The following PHYHIPL variants were observed in gnomAD, a reference collection of about 807,000 sequenced individuals.
PHYHIPL encodes phytanoyl-CoA hydroxylase-interacting protein-like.
In PHYHIPL, 9 loss-of-function variants were observed where a neutral mutation model predicts 33.4. That is an observed-to-expected ratio of 0.27 (90% CI 0.16 to 0.47). PHYHIPL has a LOEUF of 0.47. PHYHIPL is among the 20% of genes least tolerant of loss of function. The pLI is 0.99. For synonymous variants in PHYHIPL, 153 were observed against 154.1 expected (o/e 0.99, Z 0.05); for missense variants, 365 against 460.7 (o/e 0.79, Z 1.90).
intron 1 of PHYHIPL, among the ~76,000 whole-genome samples, chr10:59,187,580 G>T (rs1304725311): frequency 6.6e-6 from 1 of 152,128 alleles, no homozygotes; most frequent in Non-Finnish European, 1.5e-5. Context: ...ATTTGGCTGC[G>T]AATCCATCTG....
chr10:59,208,386 A>C (rs1177495534), intron 1 of PHYHIPL, among the ~76,000 whole-genome samples: 1 of 152,192 alleles, frequency 6.6e-6, no homozygotes, highest in African/African-American at 2.4e-5. Flanking sequence ...CAACTTCAAC[A>C]AAAAGGACGT....
intron 1 of PHYHIPL, among the ~76,000 whole-genome samples, chr10:59,202,156 G>A (rs527505407): frequency 5.3e-5 from 8 of 152,144 alleles, no homozygotes; most frequent in African/African-American, 1.9e-4. Context: ...TGTTAGAGAT[G>A]AAAATATGCC....
chr10:59,208,504 A>G (rs1180664263), intron 1 of PHYHIPL, among the ~76,000 whole-genome samples: 1 of 152,194 alleles, frequency 6.6e-6, no homozygotes, highest in Admixed American at 6.5e-5. Context: ...TCCAAAAACC[A>G]GAACACCTCT....
intron 1 of PHYHIPL, among the ~76,000 whole-genome samples, chr10:59,185,743 G>T (rs917652821): frequency 1.3e-3 from 194 of 152,238 alleles, no homozygotes; most frequent in Non-Finnish European, 1.9e-3. Context: ...TCATGTGTCT[G>T]TTGGCTGCGT....
chr10:59,206,812 C>A, intron 1 of PHYHIPL: 1 of 1,222,676 alleles, frequency 8.2e-7, no homozygotes, highest in Non-Finnish European at 1.0e-6. Context: ...ACCATTGGTT[C>A]ATGGCAAGTT....
At chr10:59,178,089 C>T (rs1006874704) in intron 1 of PHYHIPL, among the ~76,000 whole-genome samples, 6 of 152,108 alleles carry the variant, frequency 3.9e-5, no homozygotes, top group Admixed American at 2.0e-4. Flanking sequence ...TTTCCAAAGT[C>T]ATTTAAATGG....
At chr10:59,198,462 C>A (rs2133211619) in intron 1 of PHYHIPL, among the ~76,000 whole-genome samples, 1 of 152,156 alleles carries the variant, frequency 6.6e-6, no homozygotes, top group Admixed American at 6.5e-5. Context: ...CATTGATGGA[C>A]ATTTGGGTTG....
upstream of PHYHIPL, among the ~76,000 whole-genome samples, chr10:59,174,533 T>C (rs1486974034): frequency 6.6e-6 from 1 of 152,180 alleles, no homozygotes. Context: ...AAAAAGTAAA[T>C]ATTTCTTTTG....
rs188186165 is a variant in PHYHIPL, at chr10:59,177,741, C to G, written c.106+782C>G. 9 of 1,204,340 alleles carry G rather than the reference C, an allele frequency of 7.5e-6. No homozygotes were observed. In the African/African-American group the frequency reaches 1.2e-4, roughly 16 times the overall value. 74.6% of individuals were successfully genotyped at this position (1,204,340 alleles called of 1,614,324 possible). A position where few individuals can be genotyped will look rare whatever the true frequency, so the allele number is the denominator to read the frequency against. Reference sequence around the variant, plus strand: ...TGAAGACATAAGCTAGTGCTGTGTGCGGTGTGGTTAGTTACAGTGCTTCTG... The same window carrying G: ...TGAAGACATAAGCTAGTGCTGTGTGGGGTGTGGTTAGTTACAGTGCTTCTG... On this transcript the variant is annotated intron_variant, in intron 1 of 4. Coordinates refer to ENST00000373880, the MANE Select transcript of PHYHIPL (RefSeq NM_032439.4).
At chr10:59,233,481 G>T (rs1028281236) in intron 1 of PHYHIPL, among the ~76,000 whole-genome samples, 2 of 151,526 alleles carry the variant, frequency 1.3e-5, no homozygotes, top group African/African-American at 4.8e-5. Context: ...TGGGGAAAGG[G>T]AATGTAGAAA....
At chr10:59,187,063 C>T (rs1239378406) in intron 1 of PHYHIPL, among the ~76,000 whole-genome samples, 2 of 152,138 alleles carry the variant, frequency 1.3e-5, no homozygotes. Flanking sequence ...GGAATGCTTC[C>T]AGTTTTTGTC....
At chr10:59,223,516 T>C (rs944672495) in intron 1 of PHYHIPL, among the ~76,000 whole-genome samples, 3 of 152,198 alleles carry the variant, frequency 2.0e-5, no homozygotes, top group Admixed American at 6.5e-5. Flanking sequence ...GTTCTGAAAG[T>C]TGGATATCCA....
At chr10:59,230,849 A>G (rs1161846894) in intron 1 of PHYHIPL, among the ~76,000 whole-genome samples, 1 of 152,112 alleles carries the variant, frequency 6.6e-6, no homozygotes, top group Non-Finnish European at 1.5e-5. Flanking sequence ...TCATAGGTAG[A>G]TTTAAAATTT....
At chr10:59,243,330 T>C (rs763552073) in intron 4 of PHYHIPL, among the ~76,000 whole-genome samples, 3 of 152,124 alleles carry the variant, frequency 2.0e-5, no homozygotes, top group Non-Finnish European at 4.4e-5. Context: ...AATTAAGATA[T>C]GCTCAGATGA....
chr10:59,212,010 C>CATGAATGGATTAATCCATTTATGG (rs1248515673), intron 1 of PHYHIPL, among the ~76,000 whole-genome samples: 6 of 152,110 alleles, frequency 3.9e-5, no homozygotes, highest in South Asian at 2.1e-4. Context: ...GCTTTGCGCT[C>CATGAATGGATTAATCCATTTATGG]ATGAATGGAT....
At chr10:59,218,368 T>G (rs1237989287) in intron 1 of PHYHIPL, among the ~76,000 whole-genome samples, 1 of 152,176 alleles carries the variant, frequency 6.6e-6, no homozygotes, top group Non-Finnish European at 1.5e-5. Flanking sequence ...GGTGAATTAC[T>G]TGAGAACAAA....
At chr10:59,217,790 C>T (rs1839658605) in intron 1 of PHYHIPL, among the ~76,000 whole-genome samples, 2 of 152,078 alleles carry the variant, frequency 1.3e-5, no homozygotes, top group Admixed American at 1.3e-4. Context: ...TTACTTCCTA[C>T]TAAGTAGATG....
At position 59,245,791 on chromosome 10, in the gene PHYHIPL, A is replaced by G. The variant is rs1044504068; in HGVS notation, c.*200A>G. On this transcript the variant is annotated 3_prime_UTR_variant, in exon 5 of 5. Transcript: ENST00000373880. ...TTCCCTACCCCTCCCACTACTTTCA[A>G]TGATGAAATACCCTAAGTTAAGTTC... The G allele has an allele frequency of 3.5e-5, 19 of 547,116 alleles. No homozygotes were observed. Among genetic ancestry groups the G allele is most frequent in the African/African-American group, 5.7e-5 (3 of 52,620 alleles). 33.9% of individuals were successfully genotyped at this position (547,116 alleles called of 1,614,324 possible). A position where few individuals can be genotyped will look rare whatever the true frequency, so the allele number is the denominator to read the frequency against.
At chr10:59,182,713 C>A (rs1312479131) in intron 1 of PHYHIPL, among the ~76,000 whole-genome samples, 4 of 151,912 alleles carry the variant, frequency 2.6e-5, no homozygotes, top group Non-Finnish European at 4.4e-5. Context: ...AAGAATAGGA[C>A]AGTCTGAGCA....
Sources: gnomAD v4.1 joint callset for allele counts (sites outside exome capture counted in the v4.1 genomes callset) on GRCh38, gnomAD v4.1.1 for gene constraint, MANE v1.5 for transcripts, NCBI Gene and HGNC (gene_info 2026-07-23, HGNC 2026-07-21) for gene names.